Variants in SYNPR observed in about 807,000 individuals in gnomAD.
SYNPR encodes synaptoporin.
SYNPR carries 23 observed loss-of-function variants against 32.9 expected under a neutral mutation model. The observed-to-expected ratio is 0.70, with a 90% CI of 0.50 to 0.99. The LOEUF (loss-of-function observed/expected upper bound fraction) is 0.99, where lower values mean the gene tolerates loss of function less well. Among genes scored for constraint, SYNPR ranks in the 50% least tolerant of loss-of-function variants. The probability of loss-of-function intolerance (pLI) is 0.00; values close to 1 mark genes in which losing one functional copy is unlikely to be tolerated. For missense variants in SYNPR, 318 were observed against 349.3 expected (o/e 0.91, Z 0.71); for synonymous variants, 146 against 135.9 (o/e 1.07, Z -0.52).
chr3:63,339,338 T>G (rs905042517), intron 2 of SYNPR, among the ~76,000 whole-genome samples: 1 of 152,184 alleles, frequency 6.6e-6, no homozygotes, highest in African/African-American at 2.4e-5. Flanking sequence ...AATTTTGTGG[T>G]GTGTTTTCAT....
At chr3:63,610,564 A>T (rs1351671166) in intron 5 of SYNPR, 1 of 688,320 alleles carries the variant, frequency 1.5e-6, no homozygotes, top group African/African-American at 1.8e-5. Context: ...GTGAGATAGT[A>T]ACCATGAAAA....
chr3:63,214,319 C>T, the SYNPR span, among the ~76,000 whole-genome samples: 9 of 38,484 alleles, frequency 2.3e-4, no homozygotes, highest in African/African-American at 7.9e-4. Flanking sequence ...TAGAATTCGG[C>T]TGTGAATCCA....
At chr3:63,382,637 G>C (rs950592693) in intron 2 of SYNPR, among the ~76,000 whole-genome samples, 1 of 152,176 alleles carries the variant, frequency 6.6e-6, no homozygotes, top group African/African-American at 2.4e-5. Flanking sequence ...AAATCTCGGG[G>C]AACACACCAC....
chr3:63,605,943 T>C (rs1700112470), intron 4 of SYNPR, among the ~76,000 whole-genome samples: 1 of 152,254 alleles, frequency 6.6e-6, no homozygotes, highest in African/African-American at 2.4e-5. Context: ...TGTATTATTG[T>C]TGTTGCTGTC....
chr3:63,247,380 G>C (rs1321866893), intron 1 of SYNPR, among the ~76,000 whole-genome samples: 1 of 151,972 alleles, frequency 6.6e-6, no homozygotes, highest in Admixed American at 6.6e-5. Context: ...CTCCAAGTAG[G>C]ATGACAGCTA....
chr3:63,483,250 C>A (rs567237787), intron 3 of SYNPR, among the ~76,000 whole-genome samples: 2 of 152,280 alleles, frequency 1.3e-5, no homozygotes, highest in Non-Finnish European at 2.9e-5. Flanking sequence ...CAGCAGGAAG[C>A]AGGCTCAGTG....
chr3:63,405,986 A>G (rs2088354480), intron 2 of SYNPR, among the ~76,000 whole-genome samples: 1 of 152,108 alleles, frequency 6.6e-6, no homozygotes, highest in South Asian at 2.1e-4. Flanking sequence ...GGAGATGGGT[A>G]TATTCAGTTT....
chr3:63,260,742 G>A (rs1383894258), intron 2 of SYNPR, among the ~76,000 whole-genome samples: 2 of 151,838 alleles, frequency 1.3e-5, no homozygotes, highest in African/African-American at 4.8e-5. Flanking sequence ...AAACTAAAGA[G>A]CTTCTGCACA....
chr3:63,392,345 T>A (rs2088149925), intron 2 of SYNPR, among the ~76,000 whole-genome samples: 1 of 152,186 alleles, frequency 6.6e-6, no homozygotes, highest in African/African-American at 2.4e-5. Flanking sequence ...CTTCAAATTA[T>A]CATTTTCTGT....
At chr3:63,520,909 T>C (rs939182450) in intron 3 of SYNPR, among the ~76,000 whole-genome samples, 4 of 120,524 alleles carry the variant, frequency 3.3e-5, no homozygotes, top group African/African-American at 1.0e-4. Flanking sequence ...GAGATGTCCA[T>C]TGTGCCTCTT....
At chr3:63,610,710 A>G (rs1700185389) in intron 5 of SYNPR, among the ~76,000 whole-genome samples, 1 of 152,230 alleles carries the variant, frequency 6.6e-6, no homozygotes, top group South Asian at 2.1e-4. Context: ...AATGAAAGCT[A>G]TTAAAACCCT....
At chr3:63,433,660 G>A (rs1267755865) in intron 2 of SYNPR, among the ~76,000 whole-genome samples, 7 of 152,206 alleles carry the variant, frequency 4.6e-5, no homozygotes, top group Non-Finnish European at 8.8e-5. Flanking sequence ...CTGCCCCATC[G>A]GATACCAGGG....
intron 3 of SYNPR, among the ~76,000 whole-genome samples, chr3:63,496,119 A>G (rs1275306402): frequency 6.6e-6 from 1 of 152,116 alleles, no homozygotes; most frequent in African/African-American, 2.4e-5. Flanking sequence ...TGATATTTAA[A>G]AAAAAGTATT....
intron 3 of SYNPR, among the ~76,000 whole-genome samples, chr3:63,517,618 C>T (rs1282496987): frequency 1.3e-5 from 2 of 152,136 alleles, no homozygotes; most frequent in African/African-American, 4.8e-5. Flanking sequence ...CCCTTGCGCT[C>T]ATTTAAGAAT....
At chr3:63,597,656 G>C (rs1425105074) in intron 4 of SYNPR, among the ~76,000 whole-genome samples, 1 of 152,032 alleles carries the variant, frequency 6.6e-6, no homozygotes, top group Non-Finnish European at 1.5e-5. Context: ...TCACTAAACA[G>C]GGAACCCAAT....
At chr3:63,557,450 A>T (rs1372955099) in intron 4 of SYNPR, among the ~76,000 whole-genome samples, 1 of 152,130 alleles carries the variant, frequency 6.6e-6, no homozygotes. Context: ...TTATTTACCA[A>T]CTCAAGTCTT....
At chr3:63,264,622 C>A (rs1442425524) in intron 2 of SYNPR, among the ~76,000 whole-genome samples, 1 of 152,124 alleles carries the variant, frequency 6.6e-6, no homozygotes, top group Non-Finnish European at 1.5e-5. Context: ...TAAGTGGTAG[C>A]CTGACATTCA....
chr3:63,591,351 G>C lies in SYNPR; in HGVS notation c.409-17774G>C, dbSNP rs1328787367. On this transcript the variant is annotated intron_variant, in intron 4 of 5. Transcript: ENST00000478300. ...TGGAGAAATAGGAACACTTTTACATGTTGGTGGGACTGTAAACTAGTTCAA... is the reference window on the plus strand; with the variant it reads ...TGGAGAAATAGGAACACTTTTACATCTTGGTGGGACTGTAAACTAGTTCAA... 7.7e-5 allele frequency among the ~76,000 whole-genome samples: 10 copies of C among 130,418 alleles called. 3 individuals are homozygous for C. The highest frequency in any genetic ancestry group is 3.0e-4 in the African/African-American group (10 of 33,210). The allele number at this position is 130,418 out of a possible 152,430, so 85.6% of individuals were successfully genotyped here.
At chr3:63,448,719 T>C (rs1387910372) in intron 2 of SYNPR, among the ~76,000 whole-genome samples, 1 of 152,218 alleles carries the variant, frequency 6.6e-6, no homozygotes, top group Non-Finnish European at 1.5e-5. Flanking sequence ...CCAGGCACCA[T>C]GCTAGGCATG....
Sources: allele counts gnomAD v4.1 joint callset (sites outside exome capture counted in the v4.1 genomes callset), GRCh38; gene constraint gnomAD v4.1.1; transcripts MANE v1.5; gene names NCBI Gene and HGNC (gene_info 2026-07-23, HGNC 2026-07-21).